Variants in PATZ1 observed in about 807,000 individuals in gnomAD.
PATZ1 encodes POZ-, AT hook-, and zinc finger-containing protein 1.
PATZ1 carries 9 observed loss-of-function variants against 46.2 expected under a neutral mutation model. That is an observed-to-expected ratio of 0.19 (90% CI 0.12 to 0.34). PATZ1 has a LOEUF of 0.34. PATZ1 is among the 10% of genes least tolerant of loss of function. The probability of loss-of-function intolerance (pLI) is 1.00; values close to 1 mark genes in which losing one functional copy is unlikely to be tolerated. For missense variants in PATZ1, 632 were observed against 923.0 expected (o/e 0.68, Z 4.08); for synonymous variants, 426 against 378.6 (o/e 1.13, Z -1.45).
intron 2 of PATZ1, among the ~76,000 whole-genome samples, chr22:31,338,775 G>A (rs892505035): frequency 3.3e-5 from 5 of 152,198 alleles, no homozygotes; most frequent in African/African-American, 7.2e-5. Flanking sequence ...GAGGCCAGGC[G>A]CAGTGGCTCA....
intron 2 of PATZ1, among the ~76,000 whole-genome samples, chr22:31,337,507 A>C (rs1054551718): frequency 6.6e-6 from 1 of 152,184 alleles, no homozygotes; most frequent in African/African-American, 2.4e-5. Flanking sequence ...GCTGGAGCTT[A>C]CAAAGGCATT....
In PATZ1 at chr22:31,345,635, GCACCT is replaced by G. The variant is rs2049644720; in HGVS notation, c.-38_-34del. The G allele has an allele frequency of 6.5e-7, 1 of 1,545,054 alleles. No homozygotes were observed. Among genetic ancestry groups the G allele is most frequent in the Admixed American group, 1.8e-5 (1 of 55,460 alleles). ...GCCCCCTCCCACTAGCCCGGCCGCTGCACCTGCCCGCCCCCTCCCTTCCCCTCAGC... is the reference window on the plus strand; with the variant it reads ...GCCCCCTCCCACTAGCCCGGCCGCTGGCCCGCCCCCTCCCTTCCCCTCAGC... On this transcript the variant is annotated 5_prime_UTR_variant, in exon 1 of 5. Coordinates refer to ENST00000266269, the MANE Select transcript of PATZ1 (RefSeq NM_014323.3). This position sits in a 1 kb window ranked among gnomAD's most constrained non-coding sequence, Gnocchi z 7.4.
chr22:31,334,359 C>T (rs1028451497), intron 3 of PATZ1, among the ~76,000 whole-genome samples: 3 of 152,212 alleles, frequency 2.0e-5, no homozygotes, highest in African/African-American at 7.2e-5. Flanking sequence ...TACTACTTCC[C>T]TGCTTTCACA....
At chr22:31,335,899 C>T (rs1489012460) in intron 2 of PATZ1, 36 bp from the exon 3 acceptor site, 33 of 1,592,338 alleles carry the variant, frequency 2.1e-5, no homozygotes, top group Non-Finnish European at 2.7e-5. Context: ...GATGTGAAAC[C>T]CAGCACCCCA....
chr22:31,329,671 G>C (rs1292373753), intron 3 of PATZ1, among the ~76,000 whole-genome samples: 1 of 152,172 alleles, frequency 6.6e-6, no homozygotes, highest in African/African-American at 2.4e-5. Flanking sequence ...TCTTTATTTT[G>C]GGGGAGGACA....
rs2049641853 is a variant in PATZ1, at chr22:31,345,471, G to A, written c.132C>T (p.Leu44=). 5.6e-6 allele frequency: 9 copies of A among 1,612,368 alleles called. No homozygotes were observed. The highest frequency in any genetic ancestry group is 4.5e-5 in the East Asian group (2 of 44,838). Residue 44 remains leucine, a synonymous_variant, in exon 1 of 5, where the codon CTC becomes CTT. Coordinates refer to ENST00000266269, the MANE Select transcript of PATZ1 (RefSeq NM_014323.3). This position sits in a 1 kb window ranked among gnomAD's most constrained non-coding sequence, Gnocchi z 7.4. ...RKNGGRFCDV[L]LRVGDESFPA... is the part of the protein sequence containing the mutation. ...GGAAGCTCTCGTCGCCTACCCGCAAGAGCACGTCGCAGAAGCGCCCGCCGT... is the reference window on the plus strand; with the variant it reads ...GGAAGCTCTCGTCGCCTACCCGCAAAAGCACGTCGCAGAAGCGCCCGCCGT...
At chr22:31,339,972 C>G (rs2049559809) in intron 2 of PATZ1, among the ~76,000 whole-genome samples, 1 of 152,222 alleles carries the variant, frequency 6.6e-6, no homozygotes, top group South Asian at 2.1e-4. Context: ...GAAGGTTCAG[C>G]TCCCTGGGCT....
In PATZ1 at chr22:31,327,722, C is replaced by T. The variant is rs961876006; in HGVS notation, c.1646-413G>A. Among the ~76,000 whole-genome samples, 1 of 152,142 alleles carries T rather than the reference C, an allele frequency of 6.6e-6. No homozygotes were observed. Among genetic ancestry groups the T allele is most frequent in the Admixed American group, 6.5e-5 (1 of 15,268 alleles). The stretch of plus-strand genomic sequence containing the variant: ...GATGCCGAGCCAGTGTAATAGTAGC[C>T]TCGCCTCCTGCACCAGACTAGCTGC... On this transcript the variant is annotated intron_variant, in intron 4 of 4. Transcript: ENST00000266269. This position sits in a 1 kb window ranked among gnomAD's most constrained non-coding sequence, Gnocchi z 4.2.
Position 31,326,880 on chromosome 22 carries a change from C to T in PATZ1, c.*11G>A. The T allele has an allele frequency of 1.9e-6, 3 of 1,604,342 alleles. No individual in the cohort carries two copies. The highest frequency in any genetic ancestry group is 2.6e-6 in the Non-Finnish European group (3 of 1,174,230). ...CCAGATGGTTGTTTCCGTGGGGACA[C>T]AGCAGCTGCCTCATTTCCCTTCAGG... On this transcript the variant is annotated 3_prime_UTR_variant, in exon 5 of 5. Transcript: ENST00000266269.
At chr22:31,344,269 G>A (rs749195890) in intron 1 of PATZ1, 63 bp downstream of exon 1, 45 of 1,433,674 alleles carry the variant, frequency 3.1e-5, no homozygotes, top group Non-Finnish European at 4.0e-5. Context: ...CCAGATCTTG[G>A]CAGGAGCCTT....
In PATZ1 at chr22:31,327,863, T is replaced by TAC. The variant is rs1569023107; in HGVS notation, c.1646-556_1646-555dup. On this transcript the variant is annotated intron_variant, in intron 4 of 4. Coordinates refer to ENST00000266269, the MANE Select transcript of PATZ1 (RefSeq NM_014323.3). This position sits in a 1 kb window ranked among gnomAD's most constrained non-coding sequence, Gnocchi z 4.2. ...AATGCTGCAAACATAGCCCTGTCCT[T>TAC]ACCGCCTTCCTTCTGCCAAAACCTT... 6.6e-6 allele frequency among the ~76,000 whole-genome samples: 1 copy of TAC among 152,194 alleles called. No individual in the cohort carries two copies. The highest frequency in any genetic ancestry group is 1.5e-5 in the Non-Finnish European group (1 of 68,032).
rs2049648226 is a variant in PATZ1 at position 31,345,800 on chromosome 22, C to A, written c.-198G>T. On this transcript the variant is annotated 5_prime_UTR_variant, in exon 1 of 5. Transcript: ENST00000266269. This position sits in a 1 kb window ranked among gnomAD's most constrained non-coding sequence, Gnocchi z 7.4. ...CTGTCTAGACTGCGGGGTGCACCAC[C>A]CCCCACATAGCCAACCCCCGCCCTC... 1 of 502,434 alleles carries A rather than the reference C, an allele frequency of 2.0e-6. No homozygotes were observed. The highest frequency in any genetic ancestry group is 3.9e-5 in the Admixed American group (1 of 25,906). 31.1% of individuals were successfully genotyped at this position (502,434 alleles called of 1,614,324 possible).
rs975861090 is a variant in PATZ1, at chr22:31,341,258, G to C, written c.1335+1639C>G. The C allele has an allele frequency of 2.8e-6, 4 of 1,408,774 alleles. No homozygotes were observed. In the African/African-American group the frequency reaches 5.7e-5, roughly 20 times the overall value. 87.3% of individuals were successfully genotyped at this position (1,408,774 alleles called of 1,614,324 possible). On this transcript the variant is annotated intron_variant, in intron 2 of 4. Coordinates refer to ENST00000266269, the MANE Select transcript of PATZ1 (RefSeq NM_014323.3). ...CTTGCTACCCCCATTTGGGGGCTCT[G>C]ACATGGGAAAGACTCCGAGTCACCC...
chr22:31,341,765 G>A, intron 2 of PATZ1: 1 of 1,264,200 alleles, frequency 7.9e-7, no homozygotes, highest in African/African-American at 1.5e-5. Flanking sequence ...CTCCTACTCT[G>A]CCCGGGCTAA....
In PATZ1 at chr22:31,345,624, G is replaced by A. The variant is rs1336892881; in HGVS notation, c.-22C>T. 2 of 1,566,446 alleles carry A rather than the reference G, an allele frequency of 1.3e-6. No homozygotes were observed. ...CCATGGCCGCCGCCCCCTCCCACTA[G>A]CCCGGCCGCTGCACCTGCCCGCCCC... On this transcript the variant is annotated 5_prime_UTR_variant, in exon 1 of 5. Transcript: ENST00000266269. This position sits in a 1 kb window ranked among gnomAD's most constrained non-coding sequence, Gnocchi z 7.4.
rs1238878895 is a variant in PATZ1 at position 31,344,717 on chromosome 22, G to A, written c.886C>T (p.Leu296=). ...GCATCAGTGAACACCTTACCACATA[G>A]ACCGCATGGAAGGATGCCTGCCTCC... ...LREAGILPCG[L]CGKVFTDANR... Residue 296 remains leucine (L), a synonymous_variant, in exon 1 of 5, where the codon CTA becomes TTA. Transcript: ENST00000266269. 1 of 1,612,160 alleles carries A rather than the reference G, an allele frequency of 6.2e-7. No homozygotes were observed. The highest frequency in any genetic ancestry group is 8.5e-7 in the Non-Finnish European group (1 of 1,178,754).
intron 3 of PATZ1, 140 bp downstream of exon 3, chr22:31,335,552 A>C (rs2049498709): frequency 2.7e-6 from 2 of 751,410 alleles, no homozygotes; most frequent in Non-Finnish European, 4.3e-6. Context: ...TTGGGTGATG[A>C]AGGTGTTTAT....
rs754338920 is a variant in PATZ1, at chr22:31,345,048, G to T, written c.555C>A (p.Phe185Leu). 1.9e-6 allele frequency: 3 copies of T among 1,614,176 alleles called. No individual in the cohort carries two copies. The highest frequency in any genetic ancestry group is 2.5e-6 in the Non-Finnish European group (3 of 1,180,026). ...FRPPGTSDLG[F>L]PLDMTNGAAL... Reference sequence around the variant, plus strand: ...CTGCCCCGTTGGTCATGTCCAAAGGGAAGCCCAAGTCCGAGGTCCCAGGGG... The same window carrying T: ...CTGCCCCGTTGGTCATGTCCAAAGGTAAGCCCAAGTCCGAGGTCCCAGGGG... Residue 185 changes from phenylalanine (F) to leucine (L), a missense_variant, in exon 1 of 5, where the codon TTC becomes TTA. By Grantham distance (22) the Phe-to-Leu change is conservative (BLOSUM62 0). Around this residue, in one of 7 missense-constraint regions of PATZ1, gnomAD observed 279 missense variants for 284.3 expected, o/e 0.98. Transcript: ENST00000266269. The surrounding 1 kb of genome is among the most constrained non-coding windows in gnomAD (Gnocchi z 7.4).
In PATZ1 at chr22:31,345,474, C is replaced by T. The variant is rs769088855; in HGVS notation, c.129G>A (p.Val43=). The change falls in exon 1 of 5, where the codon GTG becomes GTA. Residue 43 remains valine (V), a synonymous_variant. Transcript: ENST00000266269. This position sits in a 1 kb window ranked among gnomAD's most constrained non-coding sequence, Gnocchi z 7.4. ...AGCTCTCGTCGCCTACCCGCAAGAG[C>T]ACGTCGCAGAAGCGCCCGCCGTTTT... ...QRKNGGRFCD[V]LLRVGDESFP... is the part of the protein sequence containing the mutation. 1.4e-5 allele frequency: 22 copies of T among 1,612,288 alleles called. No individual in the cohort carries two copies. The East Asian group carries it at 2.5e-4, about 18-fold the overall frequency.
Sources: allele counts gnomAD v4.1 joint callset (sites outside exome capture counted in the v4.1 genomes callset), GRCh38; gene constraint gnomAD v4.1.1; regional missense constraint gnomAD v4.1.1; non-coding constraint Gnocchi (gnomAD v3.1); transcripts MANE v1.5; gene names NCBI Gene and HGNC (gene_info 2026-07-23, HGNC 2026-07-21).